Variants in IPO11 observed in about 807,000 individuals in gnomAD.
IPO11 encodes the protein importin-11.
In IPO11, 66 loss-of-function variants were observed where a neutral mutation model predicts 143.2. The ratio of observed to expected loss-of-function variants is 0.46; its 90% CI spans 0.38 to 0.57. The LOEUF (loss-of-function observed/expected upper bound fraction) is 0.57, where lower values mean the gene tolerates loss of function less well. Ranked by LOEUF, IPO11 falls within the 20% of genes least tolerant of loss-of-function variation. IPO11 has a pLI of 0.00. For missense variants in IPO11, 1,026 were observed against 1,141.0 expected (o/e 0.90, Z 1.45); for synonymous variants, 385 against 377.8 (o/e 1.02, Z -0.22).
intron 20 of IPO11, among the ~76,000 whole-genome samples, chr5:62,524,156 A>G (rs1026495457): frequency 5.9e-5 from 9 of 152,276 alleles, no homozygotes; most frequent in Non-Finnish European, 8.8e-5. Context: ...AAGGGTGCTT[A>G]CATTTACTTA....
intron 10 of IPO11, among the ~76,000 whole-genome samples, chr5:62,483,775 G>C (rs1746299531): frequency 1.3e-5 from 2 of 152,164 alleles, no homozygotes; most frequent in Non-Finnish European, 2.9e-5. Context: ...AGTTATTTCA[G>C]TATGCCGTGA....
At chr5:62,482,980 A>T (rs937073223) in intron 9 of IPO11, 121 bp from the exon 10 acceptor site, 10 of 636,346 alleles carry the variant, frequency 1.6e-5, no homozygotes, top group African/African-American at 1.3e-4. Context: ...GTGAACATAG[A>T]CTCCACACTA....
At chr5:62,414,318 C>T (rs1743217471) in intron 1 of IPO11, among the ~76,000 whole-genome samples, 1 of 151,904 alleles carries the variant, frequency 6.6e-6, no homozygotes, top group South Asian at 2.1e-4. Context: ...TTTTTTTTCT[C>T]AGCAATAAAA....
At chr5:62,616,070 A>AG (rs67923113) in intron 29 of IPO11, among the ~76,000 whole-genome samples, 4 of 106,328 alleles carry the variant, frequency 3.8e-5, no homozygotes, top group Admixed American at 9.8e-5. Flanking sequence ...TGGGGGAGGA[A>AG]GGGGGGTGGC....
At chr5:62,573,764 G>A in intron 27 of IPO11, among the ~76,000 whole-genome samples, 1 of 152,142 alleles carries the variant, frequency 6.6e-6, no homozygotes, top group East Asian at 1.9e-4. Flanking sequence ...TTCACACAGT[G>A]GTCAATTTGA....
intron 29 of IPO11, 83 bp downstream of exon 29, chr5:62,601,931 G>C: frequency 2.5e-6 from 2 of 794,982 alleles, no homozygotes; most frequent in East Asian, 5.6e-5. Flanking sequence ...TGGTCTATTT[G>C]TCCATCCAGC....
At chr5:62,421,810 A>G (rs1014221419) in intron 1 of IPO11, among the ~76,000 whole-genome samples, 52 of 152,366 alleles carry the variant, frequency 3.4e-4, no homozygotes, top group African/African-American at 1.2e-3. Flanking sequence ...CAGCACATGC[A>G]TGTTTGAACA....
At chr5:62,505,974 A>G (rs571719670) in intron 18 of IPO11, among the ~76,000 whole-genome samples, 1 of 152,240 alleles carries the variant, frequency 6.6e-6, no homozygotes, top group African/African-American at 2.4e-5. Context: ...CGTAGACAAT[A>G]TTCCTCTAAA....
intron 22 of IPO11, among the ~76,000 whole-genome samples, chr5:62,531,377 C>T (rs558040523): frequency 9.1e-4 from 139 of 152,138 alleles, no homozygotes; most frequent in African/African-American, 2.9e-3. Flanking sequence ...ACTCTTGTTG[C>T]GTGGGCTGGA....
intron 19 of IPO11, among the ~76,000 whole-genome samples, chr5:62,509,328 A>C (rs528084130): frequency 6.6e-6 from 1 of 152,328 alleles, no homozygotes; most frequent in Admixed American, 6.5e-5. Context: ...AACTTAGAGT[A>C]ATTTTTTTAA....
chr5:62,583,526 A>G (rs1744646250), intron 27 of IPO11, among the ~76,000 whole-genome samples: 2 of 152,170 alleles, frequency 1.3e-5, no homozygotes, highest in East Asian at 3.8e-4. Flanking sequence ...ATATCAATTT[A>G]TATATGGAGC....
At chr5:62,536,464 G>A (rs576662938) in intron 22 of IPO11, among the ~76,000 whole-genome samples, 27 of 151,888 alleles carry the variant, frequency 1.8e-4, no homozygotes, top group East Asian at 3.9e-4. Flanking sequence ...CATTGAGACA[G>A]GGTCTCACTC....
intron 11 of IPO11, 63 bp downstream of exon 11, chr5:62,484,225 G>A: frequency 8.8e-6 from 12 of 1,368,970 alleles, no homozygotes; most frequent in Non-Finnish European, 1.1e-5. Context: ...ATCTGTTTGA[G>A]TGATAGGTAT....
At position 62,438,766 on chromosome 5, in the gene IPO11, G is replaced by A. The variant is rs1398088605; in HGVS notation, c.138+1349G>A. Among the ~76,000 whole-genome samples the A allele has an allele frequency of 1.2e-4, 17 of 146,214 alleles. No homozygotes were observed. The East Asian group carries it at 3.6e-3, about 31-fold the overall frequency. ...AAACTCCATCTCAAAAAAAAAAGGG[G>A]GGGAGCAGCGGGGCCAGGTGTGGTG... On this transcript the variant is annotated intron_variant, in intron 2 of 29. Coordinates refer to ENST00000325324, the MANE Select transcript of IPO11 (RefSeq NM_016338.5).
intron 24 of IPO11, among the ~76,000 whole-genome samples, chr5:62,547,780 G>A (rs1477832088): frequency 6.6e-6 from 1 of 151,890 alleles, no homozygotes; most frequent in Non-Finnish European, 1.5e-5. Context: ...GATTCCTATG[G>A]ATTGGGGCCA....
intron 27 of IPO11, among the ~76,000 whole-genome samples, chr5:62,572,913 T>C (rs1353545001): frequency 6.6e-6 from 1 of 152,164 alleles, no homozygotes; most frequent in African/African-American, 2.4e-5. Flanking sequence ...AGTTATGAAG[T>C]TTGGTCACTG....
chr5:62,626,521 T>G (rs1460673648), intron 29 of IPO11, among the ~76,000 whole-genome samples: 3 of 152,258 alleles, frequency 2.0e-5, no homozygotes, highest in Admixed American at 2.0e-4. Context: ...TGTATATGTA[T>G]GTATGTGCAT....
At chr5:62,539,267 C>G (rs540602466) in intron 24 of IPO11, among the ~76,000 whole-genome samples, 3 of 152,166 alleles carry the variant, frequency 2.0e-5, no homozygotes, top group Non-Finnish European at 4.4e-5. Flanking sequence ...CTCTTACCTT[C>G]TGGTGATTGC....
chr5:62,431,278 C>T (rs1254521967), intron 1 of IPO11, among the ~76,000 whole-genome samples: 1 of 152,084 alleles, frequency 6.6e-6, no homozygotes, highest in Non-Finnish European at 1.5e-5. Context: ...CACATCTGGG[C>T]CTTACAGTGT....
Sources: allele counts gnomAD v4.1 joint callset (sites outside exome capture counted in the v4.1 genomes callset), GRCh38; gene constraint gnomAD v4.1.1; transcripts MANE v1.5; gene names NCBI Gene and HGNC (gene_info 2026-07-23, HGNC 2026-07-21).